The following RCOR1 variants were observed in gnomAD, a reference collection of about 807,000 sequenced individuals.
The protein encoded by RCOR1 is REST corepressor 1.
In RCOR1, 12 loss-of-function variants were observed where a neutral mutation model predicts 64.0. The observed-to-expected ratio is 0.19, with a 90% CI of 0.12 to 0.30. RCOR1 has a LOEUF of 0.30. Among genes scored for constraint, RCOR1 ranks in the 10% least tolerant of loss-of-function variants. The pLI, the probability that RCOR1 is intolerant of heterozygous loss-of-function variation, is 1.00. For missense variants in RCOR1, 502 were observed against 621.2 expected (o/e 0.81, Z 2.04); for synonymous variants, 279 against 227.2 (o/e 1.23, Z -2.05).
intron 7 of RCOR1, among the ~76,000 whole-genome samples, chr14:102,714,095 A>G (rs1183448469): frequency 3.3e-5 from 5 of 152,282 alleles, no homozygotes; most frequent in African/African-American, 1.2e-4. Flanking sequence ...TGTGGCCACA[A>G]AACTCATTAG....
intron 2 of RCOR1, 44 bp downstream of exon 2, chr14:102,593,369 G>T (rs779437029): frequency 1.2e-5 from 18 of 1,480,106 alleles, no homozygotes; most frequent in Non-Finnish European, 1.5e-5. Context: ...ATGAGCGGGA[G>T]CCCCGGGTCC....
chr14:102,639,497 TTTTATTTA>T (rs3069233), intron 2 of RCOR1, among the ~76,000 whole-genome samples: 19,395 of 135,144 alleles, frequency 0.14, 1,411 homozygotes, highest in Middle Eastern at 0.2. Flanking sequence ...ATTTTTTAAT[TTTTATTTA>T]TTTATTTATT....
chr14:102,646,670 G>A (rs1422663580), intron 2 of RCOR1, among the ~76,000 whole-genome samples: 16 of 152,196 alleles, frequency 1.1e-4, no homozygotes, highest in Non-Finnish European at 1.8e-4. Context: ...GTGGAAATGT[G>A]AATAAGGACT....
chr14:102,593,128 ACAG>A lies in RCOR1; in HGVS notation c.251_253del (p.Ser84del). The A allele has an allele frequency of 6.6e-7, 1 of 1,520,388 alleles. No homozygotes were observed. The highest frequency in any genetic ancestry group is 8.8e-7 in the Non-Finnish European group (1 of 1,139,228). 94.2% of individuals were successfully genotyped at this position (1,520,388 alleles called of 1,614,324 possible). A position where few individuals can be genotyped will look rare whatever the true frequency, so the allele number is the denominator to read the frequency against. ...TTGGCGGCGGCGGCGCCCAATGGCA[ACAG>A]CAGCAGCAACTCCTGGGAGGAAGGC... is the stretch of plus-strand genomic sequence containing the variant. On this transcript the variant is annotated inframe_deletion, in exon 1 of 12. Transcript: ENST00000262241.
intron 3 of RCOR1, among the ~76,000 whole-genome samples, chr14:102,691,071 A>G (rs918562597): frequency 9.2e-5 from 14 of 152,278 alleles, no homozygotes; most frequent in South Asian, 2.1e-4. Flanking sequence ...AACTTGCACA[A>G]CTGCTTGTGT....
At chr14:102,693,620 G>A (rs1895583644) in intron 3 of RCOR1, among the ~76,000 whole-genome samples, 1 of 151,242 alleles carries the variant, frequency 6.6e-6, no homozygotes, top group South Asian at 2.1e-4. Flanking sequence ...TCTCACAATG[G>A]GGTTTAGCTT....
chr14:102,627,514 GGGCGTGGT>G (rs1383887316), intron 2 of RCOR1, among the ~76,000 whole-genome samples: 1 of 152,052 alleles, frequency 6.6e-6, no homozygotes, highest in Non-Finnish European at 1.5e-5. Flanking sequence ...AAAATTAGCT[GGGCGTGGT>G]GGCGGGTGCC....
chr14:102,648,750 T>G (rs1894523648), intron 2 of RCOR1, among the ~76,000 whole-genome samples: 1 of 152,196 alleles, frequency 6.6e-6, no homozygotes, highest in Non-Finnish European at 1.5e-5. Context: ...GTAGCTCTCG[T>G]CTCTGACAGT....
intron 3 of RCOR1, among the ~76,000 whole-genome samples, chr14:102,688,521 G>A (rs760807917): frequency 5.3e-5 from 8 of 152,164 alleles, no homozygotes; most frequent in Non-Finnish European, 8.8e-5. Flanking sequence ...GTAGTAAGGT[G>A]TTGATGCAAT....
At chr14:102,677,427 G>A (rs1236867439) in intron 2 of RCOR1, among the ~76,000 whole-genome samples, 1 of 137,576 alleles carries the variant, frequency 7.3e-6, no homozygotes, top group Admixed American at 7.0e-5. Context: ...GGACGGAGGG[G>A]CTCCTCACTT....
intron 2 of RCOR1, chr14:102,662,615 C>T (rs1369981249): frequency 9.0e-6 from 4 of 446,604 alleles, no homozygotes; most frequent in African/African-American, 6.2e-5. Context: ...CGGCTGTGGA[C>T]GCCTTTCAAC....
rs780572061 is a variant in RCOR1, at chr14:102,714,565, C to T, written c.1001C>T (p.Ala334Val). 58 of 1,613,458 alleles carry T rather than the reference C, an allele frequency of 3.6e-5. No individual in the cohort carries two copies. Among genetic ancestry groups the T allele is most frequent in the Non-Finnish European group, 4.5e-5 (53 of 1,179,586 alleles). The change falls in exon 8 of 12, where the codon GCT becomes GTT. Residue 334 changes from alanine to valine, a missense_variant. Ala to Val is a moderately conservative substitution (Grantham distance 64, BLOSUM62 0). This residue lies in a region of RCOR1 where 260 missense variants were observed against 416.4 expected (regional missense o/e 0.62). Transcript: ENST00000262241. ...GCTGTTTCTGCCAATGCCACTGCTG[C>T]TACCACGGTGCTGAGACAACTAGAC... The part of the protein sequence containing the change: ...VEAVSANATA[A>V]TTVLRQLDME...
At position 102,727,993 on chromosome 14, in the gene RCOR1, A is replaced by T. The variant is rs1379076640; in HGVS notation, c.*1487A>T. 6.6e-6 allele frequency: 1 copy of T among 152,590 alleles called. No homozygotes were observed. The highest frequency in any genetic ancestry group is 1.5e-5 in the Non-Finnish European group (1 of 68,022). The allele number at this position is 152,590 out of a possible 1,614,324, so 9.5% of individuals were successfully genotyped here. On this transcript the variant is annotated 3_prime_UTR_variant, in exon 12 of 12. Transcript: ENST00000262241. ...TTTTTTCCTGCTTTCAATACCAAAA[A>T]AATGCAGATGCTTTAAGGCCTAAAC...
rs77950223 is a variant in RCOR1, at chr14:102,626,420, A to G, written c.361+33095A>G. On this transcript the variant is annotated intron_variant, in intron 2 of 11. Coordinates refer to ENST00000262241, the MANE Select transcript of RCOR1 (RefSeq NM_015156.4). ...ACGTTATCCAGCAGGCTACAGCATC[A>G]TAAGAACCTTAGCTGGCTGCTCAGT... Among the ~76,000 whole-genome samples, 961 of 152,328 alleles carry G rather than the reference A, an allele frequency of 6.3e-3. 8 individuals carry two copies. Among genetic ancestry groups the G allele is most frequent in the Non-Finnish European group, 7.6e-3 (518 of 68,024 alleles).
chr14:102,724,432 C>G (rs938299276), intron 11 of RCOR1, among the ~76,000 whole-genome samples: 1 of 152,188 alleles, frequency 6.6e-6, no homozygotes, highest in Admixed American at 6.5e-5. Flanking sequence ...TCAAGTGCTT[C>G]TCCTGCCTCA....
rs143676390 is a variant in RCOR1 at position 102,656,254 on chromosome 14, C to G, written c.362-25641C>G. On this transcript the variant is annotated intron_variant, in intron 2 of 11. Coordinates refer to ENST00000262241, the MANE Select transcript of RCOR1 (RefSeq NM_015156.4). Reference sequence around the variant, plus strand: ...TCCCGGGTTCAAGCGATTCTCCTGCCTCAGCCTCCTGAGTAGCTAGGATTA... The same window carrying G: ...TCCCGGGTTCAAGCGATTCTCCTGCGTCAGCCTCCTGAGTAGCTAGGATTA... 4.2e-5 allele frequency: 11 copies of G among 261,250 alleles called. No individual in the cohort carries two copies. The Admixed American group carries it at 7.2e-4, about 17-fold the overall frequency. The allele number at this position is 261,250 out of a possible 1,614,324, so 16.2% of individuals were successfully genotyped here. A position where few individuals can be genotyped will look rare whatever the true frequency, so the allele number is the denominator to read the frequency against.
intron 2 of RCOR1, among the ~76,000 whole-genome samples, chr14:102,640,582 C>G (rs758003027): frequency 3.3e-5 from 5 of 152,270 alleles, no homozygotes; most frequent in Non-Finnish European, 5.9e-5. Context: ...TGTAAAATAA[C>G]TAAATTTCAA....
In RCOR1 at chr14:102,592,750, G is replaced by T; in HGVS notation, c.-137G>T. On this transcript the variant is annotated 5_prime_UTR_variant, in exon 1 of 12. Coordinates refer to ENST00000262241, the MANE Select transcript of RCOR1 (RefSeq NM_015156.4). ...CGCTCTGCCCGTTTGGGCCTCCCCC[G>T]ACTCGGACTCGCGCCCGTGGGCTCC... is the stretch of plus-strand genomic sequence containing the variant. 5.8e-6 allele frequency: 7 copies of T among 1,216,726 alleles called. No individual in the cohort carries two copies. Among genetic ancestry groups the T allele is most frequent in the Non-Finnish European group, 7.2e-6 (7 of 978,624 alleles). 75.4% of individuals were successfully genotyped at this position (1,216,726 alleles called of 1,614,324 possible).
At chr14:102,682,743 C>T (rs1235847189) in intron 3 of RCOR1, among the ~76,000 whole-genome samples, 27 of 152,100 alleles carry the variant, frequency 1.8e-4, no homozygotes, top group Admixed American at 1.8e-3. Context: ...TTTTTTGAAC[C>T]TTTATGCCAG....
Sources: gnomAD v4.1 joint callset for allele counts (sites outside exome capture counted in the v4.1 genomes callset) on GRCh38, gnomAD v4.1.1 for gene constraint, gnomAD v4.1.1 regional missense constraint, MANE v1.5 for transcripts, NCBI Gene and HGNC (gene_info 2026-07-23, HGNC 2026-07-21) for gene names.